RAP1GAP2: variants seen among roughly 807,000 people sequenced by gnomAD.
RAP1GAP2 encodes RAP1 GTPase activating protein 2, also known as rap1 GTPase-activating protein 2.
A neutral mutation model predicts 95.0 loss-of-function variants in RAP1GAP2; 27 were observed. The observed-to-expected ratio is 0.28, with a 90% CI of 0.21 to 0.39. The LOEUF (loss-of-function observed/expected upper bound fraction) is 0.39, where lower values mean the gene tolerates loss of function less well. Among genes scored for constraint, RAP1GAP2 ranks in the 10% least tolerant of loss-of-function variants. RAP1GAP2 has a pLI of 1.00. For synonymous variants in RAP1GAP2, 373 were observed against 380.9 expected (o/e 0.98, Z 0.24); for missense variants, 771 against 970.0 (o/e 0.79, Z 2.72).
At chr17:2,895,495 G>A (rs1241428952) in intron 2 of RAP1GAP2, among the ~76,000 whole-genome samples, 1 of 152,194 alleles carries the variant, frequency 6.6e-6, no homozygotes, top group Non-Finnish European at 1.5e-5. Context: ...TCAGTGGATT[G>A]TGGTATTAAA....
At chr17:2,840,411 C>T (rs1357351838) in intron 2 of RAP1GAP2, among the ~76,000 whole-genome samples, 1 of 152,190 alleles carries the variant, frequency 6.6e-6, no homozygotes, top group East Asian at 1.9e-4. Context: ...GATCCGCCCA[C>T]CTTGGCCTCC....
At chr17:2,805,019 G>T (rs1291086624) in intron 2 of RAP1GAP2, among the ~76,000 whole-genome samples, 1 of 152,178 alleles carries the variant, frequency 6.6e-6, no homozygotes, top group Non-Finnish European at 1.5e-5. Context: ...TGAATGCATG[G>T]CTGTGTGAAT....
chr17:3,020,470 T>A lies in RAP1GAP2; in HGVS notation c.1633-7T>A, dbSNP rs765267372. 1 of 1,611,738 alleles carries A rather than the reference T, an allele frequency of 6.2e-7. No homozygotes were observed. The highest frequency in any genetic ancestry group is 8.5e-7 in the Non-Finnish European group (1 of 1,178,686). On this transcript the variant is annotated splice_region_variant and splice_polypyrimidine_tract_variant and intron_variant, in intron 18 of 24. Transcript: ENST00000254695. ...GGGAGCACTCATTTTGGCAATTTCATCGACAGCCTCCAGTGGTGGCGGCAA... is the reference window on the plus strand; with the variant it reads ...GGGAGCACTCATTTTGGCAATTTCAACGACAGCCTCCAGTGGTGGCGGCAA...
chr17:2,783,859 C>T (rs1283268948), intron 1 of RAP1GAP2, among the ~76,000 whole-genome samples: 4 of 152,246 alleles, frequency 2.6e-5, no homozygotes, highest in Admixed American at 2.6e-4. Flanking sequence ...GCACATGGGC[C>T]TCTCTATGTG....
At chr17:2,881,430 C>G (rs2073285536) in intron 2 of RAP1GAP2, among the ~76,000 whole-genome samples, 1 of 152,122 alleles carries the variant, frequency 6.6e-6, no homozygotes, top group Admixed American at 6.5e-5. Context: ...GTGGCTTCTT[C>G]CACTTAGCCA....
At chr17:2,845,758 G>C (rs1333902930) in intron 2 of RAP1GAP2, among the ~76,000 whole-genome samples, 2 of 152,042 alleles carry the variant, frequency 1.3e-5, no homozygotes, top group African/African-American at 4.8e-5. Context: ...CTACTCTGGA[G>C]GCTGAGGCAG....
intron 21 of RAP1GAP2, 41 bp downstream of exon 21, chr17:3,026,505 C>T (rs370740136): frequency 5.2e-5 from 75 of 1,431,134 alleles, no homozygotes; most frequent in Non-Finnish European, 6.6e-5. Flanking sequence ...CACTCTGGGG[C>T]GTCAGCCAGC....
intron 3 of RAP1GAP2, among the ~76,000 whole-genome samples, chr17:2,926,144 A>G (rs1014589566): frequency 6.6e-6 from 1 of 150,600 alleles, no homozygotes; most frequent in Non-Finnish European, 1.5e-5. Flanking sequence ...AAAAAAAAAA[A>G]GGAACCTGGT....
At chr17:2,931,280 T>G (rs112839815) in intron 3 of RAP1GAP2, among the ~76,000 whole-genome samples, 31 of 146,748 alleles carry the variant, frequency 2.1e-4, no homozygotes, top group African/African-American at 7.2e-4. Context: ...TGAGTGTTTC[T>G]TGTGTGTGTG....
chr17:2,822,641 T>G (rs923493667), intron 2 of RAP1GAP2, among the ~76,000 whole-genome samples: 79 of 150,126 alleles, frequency 5.3e-4, no homozygotes, highest in African/African-American at 1.8e-3. Context: ...TTTTTTTTTT[T>G]TTTTTTTTTA....
intron 3 of RAP1GAP2, among the ~76,000 whole-genome samples, chr17:2,942,710 G>A (rs55818593): frequency 0.33 from 49,772 of 152,030 alleles, 8,468 homozygotes; most frequent in Admixed American, 0.43. Context: ...GAACAACTCA[G>A]TGGCGTTTAG....
intron 2 of RAP1GAP2, among the ~76,000 whole-genome samples, chr17:2,810,571 C>T (rs930889917): frequency 1.6e-5 from 2 of 127,372 alleles, no homozygotes; most frequent in Non-Finnish European, 3.1e-5. Context: ...CGCTCTGTCA[C>T]CCAGGCTAGA....
chr17:3,019,010 C>T (rs923225447), intron 18 of RAP1GAP2, among the ~76,000 whole-genome samples: 3 of 152,074 alleles, frequency 2.0e-5, no homozygotes, highest in Admixed American at 6.6e-5. Flanking sequence ...TGCAGTGAGC[C>T]GAGATCATGC....
intron 1 of RAP1GAP2, among the ~76,000 whole-genome samples, chr17:2,780,783 A>G (rs2068627928): frequency 6.6e-6 from 1 of 152,260 alleles, no homozygotes; most frequent in African/African-American, 2.4e-5. Context: ...AATGAAAAAT[A>G]AAGCAATGAT....
rs545957421 is a variant in RAP1GAP2 at position 2,919,759 on chromosome 17, G to A, written c.165+14391G>A. ...GCTCTGTTGCCCAGGCTGGAGTGCA[G>A]TAGCGCGATCTCGGCTCACTGCAAC... On this transcript the variant is annotated intron_variant, in intron 3 of 24. Coordinates refer to ENST00000254695, the MANE Select transcript of RAP1GAP2 (RefSeq NM_015085.5). 2.2e-3 allele frequency among the ~76,000 whole-genome samples: 330 copies of A among 152,228 alleles called. 2 individuals carry two copies. The highest frequency in any genetic ancestry group is 7.4e-3 in the African/African-American group (306 of 41,540).
At chr17:2,801,147 C>T (rs2151480438) in intron 2 of RAP1GAP2, among the ~76,000 whole-genome samples, 1 of 151,708 alleles carries the variant, frequency 6.6e-6, no homozygotes, top group Middle Eastern at 3.4e-3. Flanking sequence ...TGCGCCTAGC[C>T]CAGACCCATT....
At chr17:2,912,605 G>T (rs2042426462) in intron 3 of RAP1GAP2, among the ~76,000 whole-genome samples, 1 of 152,028 alleles carries the variant, frequency 6.6e-6, no homozygotes, top group Admixed American at 6.6e-5. Context: ...GGACAGGAGA[G>T]GACAGATATA....
chr17:2,922,387 T>G (rs2042808981), intron 3 of RAP1GAP2, among the ~76,000 whole-genome samples: 1 of 152,210 alleles, frequency 6.6e-6, no homozygotes, highest in African/African-American at 2.4e-5. Context: ...AGACCCTTTT[T>G]CCGAATAAGG....
At chr17:2,927,114 T>G (rs753029804) in intron 3 of RAP1GAP2, among the ~76,000 whole-genome samples, 1 of 151,716 alleles carries the variant, frequency 6.6e-6, no homozygotes, top group Non-Finnish European at 1.5e-5. Context: ...CCACCTGTAT[T>G]CTGGCCCCAT....
Sources: allele counts gnomAD v4.1 joint callset (sites outside exome capture counted in the v4.1 genomes callset), GRCh38; gene constraint gnomAD v4.1.1; transcripts MANE v1.5; gene names NCBI Gene and HGNC (gene_info 2026-07-23, HGNC 2026-07-21).